GMDS: variants seen among roughly 807,000 people sequenced by gnomAD.
GMDS encodes GDP-mannose 4,6-dehydratase, also known as GDP-mannose 4,6 dehydratase.
GMDS carries 20 observed loss-of-function variants against 49.9 expected under a neutral mutation model. The observed-to-expected ratio is 0.40, with a 90% CI of 0.28 to 0.58. The LOEUF (loss-of-function observed/expected upper bound fraction) is 0.58, where lower values mean the gene tolerates loss of function less well. GMDS is among the 20% of genes least tolerant of loss of function. GMDS has a pLI of 0.42. For missense variants in GMDS, 362 were observed against 481.4 expected (o/e 0.75, Z 2.32); for synonymous variants, 177 against 178.6 (o/e 0.99, Z 0.07).
At position 1,635,176 on chromosome 6, in the gene GMDS, C is replaced by T. The variant is rs1030973662; in HGVS notation, c.988-10636G>A. Among the ~76,000 whole-genome samples, 14 of 152,260 alleles carry T rather than the reference C, an allele frequency of 9.2e-5. No individual in the cohort carries two copies. The East Asian group carries it at 1.4e-3, about 15-fold the overall frequency. ...ATCTCTCATATCATTCCATGGAGCA[C>T]GCCTTCTTGTTTTGATCCTGATTTG... On this transcript the variant is annotated intron_variant, in intron 9 of 10. Transcript: ENST00000380815. This position sits in a 1 kb window ranked among gnomAD's most constrained non-coding sequence, Gnocchi z 4.7.
At chr6:1,625,495 A>C (rs1762826192) in intron 9 of GMDS, 1 of 152,220 alleles carries the variant, frequency 6.6e-6, no homozygotes, top group Non-Finnish European at 1.5e-5. Flanking sequence ...GCTCCACTCG[A>C]GGAAACAAGG....
At chr6:1,803,281 C>G (rs1252514253) in intron 7 of GMDS, among the ~76,000 whole-genome samples, 3 of 152,214 alleles carry the variant, frequency 2.0e-5, no homozygotes, top group Non-Finnish European at 4.4e-5. Flanking sequence ...CTTGCAAAAC[C>G]CTGGCTGGCT....
intron 4 of GMDS, among the ~76,000 whole-genome samples, chr6:2,078,706 G>A (rs1772491180): frequency 6.6e-6 from 1 of 152,026 alleles, no homozygotes; most frequent in Non-Finnish European, 1.5e-5. Flanking sequence ...AATATTCCAT[G>A]TGCTGATGAG....
intron 7 of GMDS, among the ~76,000 whole-genome samples, chr6:1,810,045 C>T (rs1770350352): frequency 6.6e-6 from 1 of 152,152 alleles, no homozygotes; most frequent in African/African-American, 2.4e-5. Flanking sequence ...AGCTCAACTA[C>T]ACTGAGCAGT....
At chr6:2,124,893 G>A (rs1370672906) in intron 1 of GMDS, among the ~76,000 whole-genome samples, 162 bp from the exon 2 acceptor site, 1 of 152,200 alleles carries the variant, frequency 6.6e-6, no homozygotes, top group Non-Finnish European at 1.5e-5. Flanking sequence ...ATACCACATG[G>A]TGTTCCACTA....
intron 4 of GMDS, among the ~76,000 whole-genome samples, chr6:2,008,136 G>T: frequency 6.6e-6 from 1 of 152,072 alleles, no homozygotes; most frequent in East Asian, 1.9e-4. Flanking sequence ...AAATACTTTA[G>T]AAATAAAATA....
At chr6:1,700,263 T>A (rs1448243105) in intron 9 of GMDS, among the ~76,000 whole-genome samples, 1 of 152,240 alleles carries the variant, frequency 6.6e-6, no homozygotes, top group East Asian at 1.9e-4. Context: ...TTATTCTCAA[T>A]TACTCTGCGA....
chr6:2,226,007 A>C (rs577028771), intron 1 of GMDS, among the ~76,000 whole-genome samples: 1 of 152,266 alleles, frequency 6.6e-6, no homozygotes, highest in Admixed American at 6.5e-5. Flanking sequence ...GCCTAACCTA[A>C]GAAAAGAAAA....
At chr6:1,830,530 G>T (rs182438194) in intron 7 of GMDS, among the ~76,000 whole-genome samples, 3 of 152,306 alleles carry the variant, frequency 2.0e-5, no homozygotes, top group Non-Finnish European at 4.4e-5. Flanking sequence ...TGTATGTTAA[G>T]AAATAAAGAC....
chr6:1,837,490 C>T (rs922265236), intron 7 of GMDS, among the ~76,000 whole-genome samples: 7 of 152,108 alleles, frequency 4.6e-5, no homozygotes, highest in African/African-American at 1.2e-4. Context: ...CTTAATGGCA[C>T]GACTCAAAGT....
chr6:1,797,446 A>G (rs1037653575), intron 7 of GMDS, among the ~76,000 whole-genome samples: 1 of 152,208 alleles, frequency 6.6e-6, no homozygotes, highest in Non-Finnish European at 1.5e-5. Flanking sequence ...CTGACTTTCT[A>G]TGAAACTGAA....
intron 4 of GMDS, among the ~76,000 whole-genome samples, chr6:2,113,528 T>C (rs1415253755): frequency 6.6e-6 from 1 of 151,814 alleles, no homozygotes; most frequent in Non-Finnish European, 1.5e-5. Flanking sequence ...TGTACCAAGT[T>C]TTCCCACTTC....
At chr6:1,672,175 C>G (rs1381406348) in intron 9 of GMDS, among the ~76,000 whole-genome samples, 1 of 152,184 alleles carries the variant, frequency 6.6e-6, no homozygotes, top group South Asian at 2.1e-4. Context: ...GAGACGACGA[C>G]TGTGGAGCAT....
chr6:1,850,758 C>T (rs565021084), intron 7 of GMDS, among the ~76,000 whole-genome samples: 5 of 152,316 alleles, frequency 3.3e-5, no homozygotes, highest in Admixed American at 6.5e-5. Context: ...GTCAATGATA[C>T]GTTATTGGAT....
intron 8 of GMDS, among the ~76,000 whole-genome samples, chr6:1,733,166 G>A (rs1766881299): frequency 6.6e-6 from 1 of 152,194 alleles, no homozygotes; most frequent in Admixed American, 6.5e-5. Context: ...CACCACAGAA[G>A]CCACTAACAG....
intron 1 of GMDS, among the ~76,000 whole-genome samples, chr6:2,133,910 C>T (rs561929696): frequency 4.6e-5 from 7 of 152,096 alleles, no homozygotes; most frequent in Non-Finnish European, 8.8e-5. Context: ...TTGATTTCAC[C>T]GGGGTGTGGT....
chr6:1,640,193 C>T lies in GMDS; in HGVS notation c.988-15653G>A, dbSNP rs1017342704. 1.3e-5 allele frequency among the ~76,000 whole-genome samples: 2 copies of T among 152,308 alleles called. No homozygotes were observed. The highest frequency in any genetic ancestry group is 1.9e-4 in the East Asian group (1 of 5,176). On this transcript the variant is annotated intron_variant, in intron 9 of 10. Coordinates refer to ENST00000380815, the MANE Select transcript of GMDS (RefSeq NM_001500.4). This position sits in a 1 kb window ranked among gnomAD's most constrained non-coding sequence, Gnocchi z 4.0. ...ACTGTTGCCCAAGGCTCCCCCACAT[C>T]ACTCTTCAGTTCTAGCAATCTGCTG...
intron 7 of GMDS, among the ~76,000 whole-genome samples, chr6:1,868,732 G>A (rs1432833915): frequency 6.6e-6 from 1 of 152,152 alleles, no homozygotes; most frequent in Non-Finnish European, 1.5e-5. Flanking sequence ...ACAAGTAAAT[G>A]CTTAGTGACT....
intron 4 of GMDS, among the ~76,000 whole-genome samples, chr6:1,970,102 A>G (rs1266519160): frequency 1.3e-5 from 2 of 152,212 alleles, no homozygotes; most frequent in Non-Finnish European, 2.9e-5. Context: ...CCTGACTACA[A>G]ATGTGGTGTC....
Sources: gnomAD v4.1 joint callset for allele counts (sites outside exome capture counted in the v4.1 genomes callset) on GRCh38, gnomAD v4.1.1 for gene constraint, Gnocchi (gnomAD v3.1) non-coding constraint, MANE v1.5 for transcripts, NCBI Gene and HGNC (gene_info 2026-07-23, HGNC 2026-07-21) for gene names.